Variants in DUSP11 observed in about 807,000 individuals in gnomAD.
DUSP11 encodes the protein dual specificity phosphatase 11, also known as RNA/RNP complex-1-interacting phosphatase.
A neutral mutation model predicts 41.4 loss-of-function variants in DUSP11; 27 were observed. The observed-to-expected ratio is 0.65, with a 90% confidence interval of 0.48 to 0.90. The LOEUF (loss-of-function observed/expected upper bound fraction) is 0.90, where lower values mean the gene tolerates loss of function less well. Ranked by LOEUF, DUSP11 falls within the 40% of genes least tolerant of loss-of-function variation. The pLI is 0.00. For synonymous variants in DUSP11, 188 were observed against 159.3 expected (o/e 1.18, Z -1.35); for missense variants, 465 against 461.1 (o/e 1.01, Z -0.08).
chr2:73,766,925 A>ATTTC (rs1237651953), intron 6 of DUSP11, 22 bp from the exon 7 acceptor site: 2 of 1,591,206 alleles, frequency 1.3e-6, no homozygotes. Context: ...ATAAACTGTT[A>ATTTC]GAAATAACTG....
At chr2:73,772,714 G>GT (rs1374348104) in intron 4 of DUSP11, among the ~76,000 whole-genome samples, 12 of 152,174 alleles carry the variant, frequency 7.9e-5, no homozygotes, top group Non-Finnish European at 1.6e-4. Flanking sequence ...AAGTTTTAAA[G>GT]TTAAAGTACA....
chr2:73,766,429 T>C (rs764298408), exon 8 of DUSP11: 7 of 1,610,748 alleles, frequency 4.3e-6, no homozygotes, highest in Non-Finnish European at 5.9e-6. Flanking sequence ...TGACTGATTG[T>C]TGCAAACTTT....
At chr2:73,766,319 A>C in intron 8 of DUSP11, 99 bp downstream of exon 8, 4 of 1,244,172 alleles carry the variant, frequency 3.2e-6, no homozygotes, top group Non-Finnish European at 4.4e-6. Flanking sequence ...CAAAAAAAAA[A>C]AAAACGAAGA....
intron 4 of DUSP11, 64 bp downstream of exon 4, chr2:73,773,736 A>T (rs1020231236): frequency 4.6e-6 from 7 of 1,506,662 alleles, no homozygotes; most frequent in Non-Finnish European, 8.9e-7. Flanking sequence ...CTATAAAAAA[A>T]TACCAAAAAT....
At chr2:73,772,031 A>G (rs1672593326) in intron 4 of DUSP11, among the ~76,000 whole-genome samples, 1 of 151,038 alleles carries the variant, frequency 6.6e-6, no homozygotes, top group Admixed American at 6.6e-5. Context: ...CGTGTTAGCC[A>G]GGATGGTCTC....
intron 4 of DUSP11, among the ~76,000 whole-genome samples, chr2:73,771,273 C>T (rs1409919875): frequency 6.6e-6 from 1 of 152,160 alleles, no homozygotes; most frequent in Non-Finnish European, 1.5e-5. Context: ...GAATTCCATG[C>T]CTTTTCACAT....
intron 2 of DUSP11, among the ~76,000 whole-genome samples, chr2:73,777,693 A>T (rs1344307232): frequency 6.6e-6 from 1 of 152,254 alleles, no homozygotes; most frequent in African/African-American, 2.4e-5. Flanking sequence ...AATTCAGGAC[A>T]GTCCTACAAA....
intron 8 of DUSP11, among the ~76,000 whole-genome samples, chr2:73,764,794 C>T (rs969184688): frequency 6.6e-6 from 1 of 152,076 alleles, no homozygotes; most frequent in African/African-American, 2.4e-5. Flanking sequence ...TGGTGAAACC[C>T]CCATCTCTAC....
intron 6 of DUSP11, 54 bp from the exon 7 acceptor site, chr2:73,766,957 G>C: frequency 6.6e-7 from 1 of 1,506,968 alleles, no homozygotes. Context: ...GATCTTTCCA[G>C]AAAAAGCAAA....
At chr2:73,773,400 C>A in intron 4 of DUSP11, 1 of 279,696 alleles carries the variant, frequency 3.6e-6, no homozygotes, top group Non-Finnish European at 7.1e-6. Context: ...TGTTTTGCTT[C>A]TAGGGGTCCG....
intron 3 of DUSP11, 70 bp downstream of exon 3, chr2:73,774,843 T>C: frequency 7.6e-7 from 1 of 1,316,602 alleles, no homozygotes. Flanking sequence ...ACAAGATGAT[T>C]ACTGAATTAC....
At position 73,780,000 on chromosome 2, in the gene DUSP11, A is replaced by C; in HGVS notation, c.116T>G (p.Leu39Trp). 6.2e-7 allele frequency: 1 copy of C among 1,614,214 alleles called. No homozygotes were observed. The highest frequency in any genetic ancestry group is 8.5e-7 in the Non-Finnish European group (1 of 1,180,028). ...GTGGGTCCCAAGAAGCCGCCCACCC[A>C]ATGCCAAGTCGGCCAAAAGCGCCAG... Residue 39 changes from leucine to tryptophan, a missense_variant, in exon 1 of 9, where the codon TTG becomes TGG. By Grantham distance (61) the Leu-to-Trp change is moderately conservative (BLOSUM62 -2). The change creates a new upstream start codon in the 5' untranslated region. Coordinates refer to ENST00000272444, the Ensembl canonical transcript of DUSP11.
At chr2:73,768,583 T>TAC in intron 5 of DUSP11, 1 of 985,400 alleles carries the variant, frequency 1.0e-6, no homozygotes. Flanking sequence ...AAATGTTCAC[T>TAC]ACTTCAATGT....
intron 2 of DUSP11, 21 bp downstream of exon 2, chr2:73,778,280 A>C: frequency 6.5e-7 from 1 of 1,547,194 alleles, no homozygotes; most frequent in Admixed American, 1.9e-5. Context: ...CTGAAAGAAT[A>C]CTGAATTAAC....
chr2:73,765,350 A>G (rs992035606), intron 8 of DUSP11, among the ~76,000 whole-genome samples: 5 of 152,164 alleles, frequency 3.3e-5, no homozygotes, highest in Admixed American at 6.5e-5. Flanking sequence ...GTGTCCTCCA[A>G]CCCTTACCAG....
At chr2:73,778,940 G>A (rs970545828) in intron 1 of DUSP11, among the ~76,000 whole-genome samples, 2 of 152,146 alleles carry the variant, frequency 1.3e-5, no homozygotes, top group Non-Finnish European at 2.9e-5. Context: ...CTGAGGTCAG[G>A]AGTTCGAGAC....
chr2:73,776,423 A>AAAG (rs1672688046), intron 2 of DUSP11, among the ~76,000 whole-genome samples: 1 of 151,508 alleles, frequency 6.6e-6, no homozygotes, highest in East Asian at 1.9e-4. Context: ...CAAAAAAAAA[A>AAAG]AAAAAAAAAT....
At chr2:73,776,215 C>T (rs1208640050) in intron 2 of DUSP11, among the ~76,000 whole-genome samples, 5 of 151,816 alleles carry the variant, frequency 3.3e-5, no homozygotes, top group Non-Finnish European at 5.9e-5. Flanking sequence ...GAGATCGAGA[C>T]CATCCTGGCT....
At chr2:73,767,297 T>A in intron 5 of DUSP11, 90 bp from the exon 6 acceptor site, 1 of 934,882 alleles carries the variant, frequency 1.1e-6, no homozygotes, top group South Asian at 1.4e-5. Context: ...CTTATAGACA[T>A]AGATATAAAA....
Sources: allele counts gnomAD v4.1 joint callset (sites outside exome capture counted in the v4.1 genomes callset), GRCh38; gene constraint gnomAD v4.1.1; transcripts MANE v1.5; gene names NCBI Gene and HGNC (gene_info 2026-07-23, HGNC 2026-07-21).